Variants in CNIH3 observed in about 807,000 individuals in gnomAD.
The protein encoded by CNIH3 is cornichon family AMPA receptor auxiliary protein 3.
In CNIH3, 14 loss-of-function variants were observed where a neutral mutation model predicts 24.1. The observed-to-expected ratio is 0.58, with a 90% CI of 0.38 to 0.91. The LOEUF is 0.91. Among genes scored for constraint, CNIH3 ranks in the 40% least tolerant of loss-of-function variants. The pLI is 0.00. For missense variants in CNIH3, 178 were observed against 196.8 expected, an observed-to-expected ratio of 0.90 and a Z score of 0.57; for synonymous variants, 68 against 73.8, an observed-to-expected ratio of 0.92 and a Z score of 0.40.
rs892277637 is a variant in CNIH3 at position 224,684,892 on chromosome 1, G to C, written c.198+49G>C. On this transcript the variant is annotated intron_variant, in intron 3 of 5. Transcript: ENST00000272133. This position sits in a 1 kb window ranked among gnomAD's most constrained non-coding sequence, Gnocchi z 4.2. ...AGGATGGAGGATCGCATGGTGGTGG[G>C]TGGGCACACAGTGAAAGAGGCTAGT... 1 of 1,565,314 alleles carries C rather than the reference G, an allele frequency of 6.4e-7. No individual in the cohort carries two copies. The highest frequency in any genetic ancestry group is 1.4e-5 in the African/African-American group (1 of 73,900).
chr1:224,546,471 C>T (rs1235765708), intron 2 of CNIH3, among the ~76,000 whole-genome samples: 1 of 152,090 alleles, frequency 6.6e-6, no homozygotes, highest in South Asian at 2.1e-4. Context: ...TGTAGTCAAC[C>T]TGGAGGGGGT....
At chr1:224,506,274 C>CGT (rs1476879188) in intron 1 of CNIH3, among the ~76,000 whole-genome samples, 9 of 34,648 alleles carry the variant, frequency 2.6e-4, no homozygotes, top group East Asian at 2.1e-3. Context: ...CGCACACGCG[C>CGT]GCGCGCGCGC....
intron 2 of CNIH3, among the ~76,000 whole-genome samples, chr1:224,682,642 G>T (rs1686455661): frequency 6.6e-6 from 1 of 152,206 alleles, no homozygotes; most frequent in Non-Finnish European, 1.5e-5. Flanking sequence ...AGTCCTGAAA[G>T]ATTTCACTCT....
chr1:224,726,832 T>C (rs980177698), intron 3 of CNIH3, among the ~76,000 whole-genome samples: 1 of 152,216 alleles, frequency 6.6e-6, no homozygotes, highest in Non-Finnish European at 1.5e-5. Flanking sequence ...TGAAATAGTT[T>C]CTCCATTTGT....
intron 3 of CNIH3, among the ~76,000 whole-genome samples, chr1:224,699,417 C>T (rs941011750): frequency 9.9e-5 from 15 of 152,244 alleles, no homozygotes; most frequent in African/African-American, 3.6e-4. Context: ...CATAACACAG[C>T]AGCTGGGTGG....
At chr1:224,680,562 A>G (rs984828844) in intron 1 of CNIH3, among the ~76,000 whole-genome samples, 1 of 151,924 alleles carries the variant, frequency 6.6e-6, no homozygotes, top group African/African-American at 2.4e-5. Context: ...ACTTCCAATC[A>G]CCTTTTCTGC....
intron 3 of CNIH3, among the ~76,000 whole-genome samples, chr1:224,727,756 A>G (rs1386061204): frequency 6.6e-6 from 1 of 152,144 alleles, no homozygotes; most frequent in Non-Finnish European, 1.5e-5. Flanking sequence ...TGTGTGTATC[A>G]AAAGGTCACT....
At chr1:224,699,352 G>A (rs1010746053) in intron 3 of CNIH3, among the ~76,000 whole-genome samples, 1 of 152,254 alleles carries the variant, frequency 6.6e-6, no homozygotes, top group Non-Finnish European at 1.5e-5. Context: ...ACCTTCAGAG[G>A]ACACTGTACC....
At chr1:224,582,994 A>G (rs1336180054) in intron 4 of CNIH3, among the ~76,000 whole-genome samples, 2 of 152,166 alleles carry the variant, frequency 1.3e-5, no homozygotes, top group East Asian at 1.9e-4. Context: ...CAGAATATAC[A>G]TGGGCCATCT....
intron 5 of CNIH3, among the ~76,000 whole-genome samples, chr1:224,584,888 T>A (rs1199983525): frequency 6.6e-6 from 1 of 152,174 alleles, no homozygotes; most frequent in African/African-American, 2.4e-5. Context: ...CCAAGGGACA[T>A]CTTTAGGAAT....
chr1:224,441,816 A>G (rs1160184089), intron 1 of CNIH3, among the ~76,000 whole-genome samples: 1 of 152,156 alleles, frequency 6.6e-6, no homozygotes, highest in African/African-American at 2.4e-5. Context: ...GCTCTTTACT[A>G]AATAATACTA....
At chr1:224,556,342 T>C (rs1039097145) in intron 3 of CNIH3, among the ~76,000 whole-genome samples, 2 of 152,202 alleles carry the variant, frequency 1.3e-5, no homozygotes, top group African/African-American at 4.8e-5. Context: ...TTAACCTCTC[T>C]AAGCCTCCAT....
At chr1:224,505,665 GCTGGAATTCAGACTCAGGT>G (rs1677879525) in intron 1 of CNIH3, among the ~76,000 whole-genome samples, 1 of 152,212 alleles carries the variant, frequency 6.6e-6, no homozygotes, top group South Asian at 2.1e-4. Flanking sequence ...AGCTGCCAGA[GCTGGAATTCAGACTCAGGT>G]CTGTTTGACT....
chr1:224,550,707 C>CT lies in CNIH3; in HGVS notation n.450+3776dup, dbSNP rs553234641. 5.7e-4 allele frequency among the ~76,000 whole-genome samples: 87 copies of CT among 152,044 alleles called. 1 individual carries two copies. In the South Asian group the frequency reaches 0.016, roughly 27 times the overall value. On this transcript the variant is annotated intron_variant and non_coding_transcript_variant, in intron 3 of 5. Coordinates refer to the CNIH3 transcript ENST00000471578. ...ATATCAGAGCGATGATATTTCTTTT[C>CT]TTTTTTTTATTATACTTTAAGTTTT... is the stretch of plus-strand genomic sequence containing the variant.
intron 1 of CNIH3, among the ~76,000 whole-genome samples, chr1:224,657,409 TAGAG>T (rs142879463): frequency 1.1e-3 from 162 of 146,782 alleles, no homozygotes; most frequent in Non-Finnish European, 1.8e-3. Context: ...AGAAATAGGG[TAGAG>T]AGAGAGAGAG....
rs71170027 is a variant in CNIH3, at chr1:224,581,554, TAAG to T, written n.517-1605_517-1603del. Among the ~76,000 whole-genome samples, 1,175 of 152,284 alleles carry T rather than the reference TAAG, an allele frequency of 7.7e-3. 7 individuals are homozygous for T. The highest frequency in any genetic ancestry group is 0.017 in the Middle Eastern group (5 of 294). ...TTTCTCCTTGCTCTTGAGAATACAA[TAAG>T]AAGAGCCCAAAGCGTGTTGGATACC... On this transcript the variant is annotated intron_variant and non_coding_transcript_variant, in intron 4 of 5. Transcript: ENST00000471578.
At chr1:224,445,297 C>G (rs762709477) in intron 1 of CNIH3, among the ~76,000 whole-genome samples, 23 of 151,080 alleles carry the variant, frequency 1.5e-4, no homozygotes, top group African/African-American at 5.4e-4. Context: ...GCCTTTTGGC[C>G]GGGTGTGGTG....
At chr1:224,515,318 G>T (rs1678335971), upstream of CNIH3, among the ~76,000 whole-genome samples, 1 of 152,098 alleles carries the variant, frequency 6.6e-6, no homozygotes, top group Non-Finnish European at 1.5e-5. Context: ...TATGCTCATT[G>T]TAAAGTATAC....
intron 1 of CNIH3, among the ~76,000 whole-genome samples, chr1:224,477,302 TG>T (rs1676628179): frequency 1.3e-5 from 2 of 152,240 alleles, no homozygotes. Context: ...TCCATCTGAG[TG>T]GGACGCGCAA....
Sources: allele counts gnomAD v4.1 joint callset (sites outside exome capture counted in the v4.1 genomes callset), GRCh38; gene constraint gnomAD v4.1.1; non-coding constraint Gnocchi (gnomAD v3.1); transcripts MANE v1.5; gene names NCBI Gene and HGNC (gene_info 2026-07-23, HGNC 2026-07-21).